Variants in SSX5 observed in about 807,000 individuals in gnomAD.
The protein encoded by SSX5 is SSX family member 5.
In SSX5, 14 loss-of-function variants were observed where a neutral mutation model predicts 14.9. The observed-to-expected ratio is 0.94, with a 90% CI of 0.62 to 1.47. The LOEUF is 1.47. Among genes scored for constraint, SSX5 ranks in the 40% most tolerant of loss-of-function variants. SSX5 has a pLI of 0.00. For synonymous variants in SSX5, 70 were observed against 55.4 expected (o/e 1.26, Z -1.17); for missense variants, 204 against 154.6 (o/e 1.32, Z -1.70).
At chrX:48,194,084 G>A in intron 4 of SSX5, 45 bp downstream of exon 4, 14 of 1,189,646 alleles carry the variant, frequency 1.2e-5, no homozygotes, top group Non-Finnish European at 1.6e-5. Context: ...CTGAAAAGCA[G>A]TTGCGCTTGA....
At position 48,190,180 on chromosome X, in the gene SSX5, C is replaced by A. The variant is rs144094801; in HGVS notation, c.419G>T (p.Arg140Leu). ...AGAGGTATTTAGTTTTCCTGAGGGG[C>A]GCAGCTGTTTCCCATTGTTCTGTGG... ...SGPQNNGKQL[R>L]PSGKLNTSEK... Residue 140 changes from arginine to leucine, a missense_variant, in exon 6 of 8, where the codon CGC becomes CTC. Transcript: ENST00000347757. 1.7e-6 allele frequency: 2 copies of A among 1,208,620 alleles called. No individual in the cohort carries two copies. The highest frequency in any genetic ancestry group is 5.9e-5 in the East Asian group (2 of 33,666).
chrX:48,187,590 T>C (rs782331532), intron 7 of SSX5, 37 bp downstream of exon 7: 1 of 1,172,903 alleles, frequency 8.5e-7, no homozygotes, highest in Non-Finnish European at 1.2e-6. Flanking sequence ...ATAGCACATC[T>C]GCAAGGATGT....
At chrX:48,190,424 A>T (rs1569441063) in intron 5 of SSX5, among the ~76,000 whole-genome samples, 156 bp from the exon 6 acceptor site, 1 of 111,697 alleles carries the variant, frequency 9.0e-6, no homozygotes, top group East Asian at 2.8e-4. Context: ...CTGGGAGGGG[A>T]GGTTAGATGG....
At chrX:48,193,030 T>C (rs1470191205) in intron 4 of SSX5, among the ~76,000 whole-genome samples, 1 of 112,182 alleles carries the variant, frequency 8.9e-6, no homozygotes, top group African/African-American at 3.2e-5. Flanking sequence ...TCTCTGTGTG[T>C]TGGATGAGGG....
intron 5 of SSX5, among the ~76,000 whole-genome samples, chrX:48,191,659 C>T (rs1331279995): frequency 8.9e-6 from 1 of 111,944 alleles, no homozygotes; most frequent in Non-Finnish European, 1.9e-5. Context: ...GGGTGAAGCC[C>T]TAGTGAGCAA....
intron 7 of SSX5, 98 bp from the exon 8 acceptor site, chrX:48,186,954 C>T (rs1410940409): frequency 3.5e-5 from 36 of 1,038,837 alleles, no homozygotes; most frequent in African/African-American, 5.6e-5. Flanking sequence ...CTGCCCACTC[C>T]GATTCTGCCC....
At chrX:48,195,459 A>C in intron 1 of SSX5, 81 bp from the exon 2 acceptor site, 2 of 961,736 alleles carry the variant, frequency 2.1e-6, no homozygotes. Context: ...GTCTGGCCAC[A>C]CTCAGTCACC....
Position 48,186,262 on chromosome X carries a change from G to C in SSX5, c.*599C>G, listed in dbSNP as rs1212024331. ...ATTAACTGGCAGTGACTGATAGAGG[G>C]GAATCGGATGAGGGGAGTACATGCT... On this transcript the variant is annotated 3_prime_UTR_variant, in exon 8 of 8. Transcript: ENST00000347757. The C allele has an allele frequency of 1.3e-5, 2 of 154,665 alleles. No homozygotes were observed. Among genetic ancestry groups the C allele is most frequent in the South Asian group, 4.0e-4 (2 of 4,963 alleles). 12.7% of individuals were successfully genotyped at this position (154,665 alleles called of 1,213,427 possible).
chrX:48,196,028 G>A (rs1287433352), intron 1 of SSX5, among the ~76,000 whole-genome samples: 1 of 111,642 alleles, frequency 9.0e-6, no homozygotes, highest in Non-Finnish European at 1.9e-5. Flanking sequence ...GCTCACTCCT[G>A]TAATCCCAGC....
chrX:48,195,280 G>C lies in SSX5; in HGVS notation c.69+10C>G, dbSNP rs370150651. 3 of 1,210,897 alleles carry C rather than the reference G, an allele frequency of 2.5e-6. No homozygotes were observed. The highest frequency in any genetic ancestry group is 1.1e-6 in the Non-Finnish European group (1 of 894,817). The stretch of plus-strand genomic sequence containing the variant: ...TGGGCCACTACTATGCCCCCTGCAG[G>C]TCACCTCACCTTTTGCATCTTCTCT... On this transcript the variant is annotated intron_variant, in intron 2 of 7. Transcript: ENST00000347757.
intron 5 of SSX5, among the ~76,000 whole-genome samples, chrX:48,191,607 T>A (rs1189090564): frequency 9.9e-6 from 1 of 101,138 alleles, no homozygotes; most frequent in African/African-American, 3.6e-5. Context: ...CTTCCTGTTG[T>A]GAGAGTGGGT....
intron 5 of SSX5, among the ~76,000 whole-genome samples, chrX:48,191,397 T>C (rs781839882): frequency 8.9e-5 from 10 of 111,979 alleles, no homozygotes; most frequent in South Asian, 7.5e-4. Context: ...CTTTACCCTC[T>C]AAACCAGAGT....
chrX:48,189,430 C>A (rs1219640791), intron 6 of SSX5, among the ~76,000 whole-genome samples: 1 of 111,427 alleles, frequency 9.0e-6, no homozygotes, highest in Non-Finnish European at 1.9e-5. Context: ...CTGCCACAGC[C>A]ACTCCACCCT....
At chrX:48,192,318 A>G (rs782102324) in intron 4 of SSX5, 37 bp from the exon 5 acceptor site, 18 of 1,206,308 alleles carry the variant, frequency 1.5e-5, no homozygotes, top group African/African-American at 8.7e-5. Context: ...CTTTGTTGGT[A>G]AAGATTTCCA....
rs2059395320 is a variant in SSX5, at chrX:48,186,279, G to C, written c.*582C>G. On this transcript the variant is annotated 3_prime_UTR_variant, in exon 8 of 8. Coordinates refer to ENST00000347757, the MANE Select transcript of SSX5 (RefSeq NM_175723.2). ...GATAGAGGGGAATCGGATGAGGGGA[G>C]TACATGCTGAACAGGAAACAGAGTG... The C allele has an allele frequency of 5.9e-6, 1 of 169,295 alleles. No homozygotes were observed. The highest frequency in any genetic ancestry group is 7.4e-5 in the Admixed American group (1 of 13,453). The allele number at this position is 169,295 out of a possible 1,213,427, so 14.0% of individuals were successfully genotyped here. A position where few individuals can be genotyped will look rare whatever the true frequency, so the allele number is the denominator to read the frequency against.
Position 48,186,266 on chromosome X carries a change from T to C in SSX5, c.*595A>G. On this transcript the variant is annotated 3_prime_UTR_variant, in exon 8 of 8. Coordinates refer to ENST00000347757, the MANE Select transcript of SSX5 (RefSeq NM_175723.2). ...ACTGGCAGTGACTGATAGAGGGGAA[T>C]CGGATGAGGGGAGTACATGCTGAAC... 6.6e-6 allele frequency: 1 copy of C among 152,289 alleles called. No homozygotes were observed. Among genetic ancestry groups the C allele is most frequent in the Non-Finnish European group, 1.3e-5 (1 of 77,969 alleles). 12.6% of individuals were successfully genotyped at this position (152,289 alleles called of 1,213,427 possible).
In SSX5 at chrX:48,194,213, T is replaced by A; in HGVS notation, c.196A>T (p.Thr66Ser). 8.3e-7 allele frequency: 1 copy of A among 1,209,739 alleles called. No homozygotes were observed. Among genetic ancestry groups the A allele is most frequent in the Non-Finnish European group, 1.1e-6 (1 of 894,768 alleles). The change falls in exon 4 of 8, where the codon ACC (threonine) becomes TCC (serine). Residue 66 changes from threonine to serine, a missense_variant. By Grantham distance (58) the Thr-to-Ser change is moderately conservative (BLOSUM62 1). Coordinates refer to ENST00000347757, the MANE Select transcript of SSX5 (RefSeq NM_175723.2). ...TTATTACGCATGAAAGGTGGGAGGG[T>A]GGCCTTGAAACCTAGAAAGAAGCAA... ...EAMTKLGFKA[T>S]LPPFMRNKRV...
intron 4 of SSX5, 53 bp downstream of exon 4, chrX:48,194,076 G>A (rs1385365636): frequency 9.6e-5 from 113 of 1,178,248 alleles, no homozygotes; most frequent in Non-Finnish European, 1.2e-4. Flanking sequence ...TAGCTGAGCT[G>A]AAAAGCAGTT....
At chrX:48,192,136 C>G in intron 5 of SSX5, 96 bp downstream of exon 5, 2 of 1,166,059 alleles carry the variant, frequency 1.7e-6, no homozygotes, top group Non-Finnish European at 1.2e-6. Context: ...GAGAAGAAGG[C>G]AGTGAGGGCA....
Sources: allele counts gnomAD v4.1 joint callset (sites outside exome capture counted in the v4.1 genomes callset), GRCh38; gene constraint gnomAD v4.1.1; transcripts MANE v1.5; gene names NCBI Gene and HGNC (gene_info 2026-07-23, HGNC 2026-07-21).